The following CROCC2 variants were observed in gnomAD, a reference collection of about 807,000 sequenced individuals.
The protein encoded by CROCC2 is ciliary rootlet coiled-coil protein 2.
Under a neutral mutation model 177.6 loss-of-function variants are expected in CROCC2, and 163 were observed. That is an observed-to-expected ratio of 0.92 (90% CI 0.81 to 1.05). CROCC2 has a LOEUF of 1.05. Ranked by LOEUF, CROCC2 falls within the 50% of genes least tolerant of loss-of-function variation. The probability of loss-of-function intolerance (pLI) is 0.00; values close to 1 mark genes in which losing one functional copy is unlikely to be tolerated. For missense variants in CROCC2, 1,929 were observed against 1,797.8 expected (o/e 1.07, Z -1.32); for synonymous variants, 904 against 787.3 (o/e 1.15, Z -2.48).
At chr2:240,971,054 G>A (rs980193051) in intron 27 of CROCC2, among the ~76,000 whole-genome samples, 3 of 152,098 alleles carry the variant, frequency 2.0e-5, no homozygotes, top group African/African-American at 7.2e-5. Context: ...CTGTGCGGTC[G>A]GCCAAGGGCT....
At position 240,925,718 on chromosome 2, in the gene CROCC2, G is replaced by C; in HGVS notation, c.489-6G>C. ...CCCCACCATGCCCTGTGGGTTCTCT[G>C]TCCAGGAGCACCGGCCTCTGTCAGG... On this transcript the variant is annotated splice_region_variant and splice_polypyrimidine_tract_variant and intron_variant, in intron 4 of 31. Transcript: ENST00000690015. 1.4e-6 allele frequency: 1 copy of C among 714,092 alleles called. No homozygotes were observed. The allele number at this position is 714,092 out of a possible 1,614,324, so 44.2% of individuals were successfully genotyped here. A position where few individuals can be genotyped will look rare whatever the true frequency, so the allele number is the denominator to read the frequency against.
intron 27 of CROCC2, among the ~76,000 whole-genome samples, chr2:240,981,327 C>G (rs13414884): frequency 0.2 from 29,835 of 151,388 alleles, 3,355 homozygotes; most frequent in East Asian, 0.37. Flanking sequence ...CCTGAGCACT[C>G]AGCTCTGGGG....
intron 14 of CROCC2, 75 bp from the exon 15 acceptor site, chr2:240,945,985 C>A: frequency 8.6e-7 from 1 of 1,168,818 alleles, no homozygotes; most frequent in Non-Finnish European, 1.2e-6. Flanking sequence ...GTCCTTTCTT[C>A]CCCTCAAGAG....
In CROCC2 at chr2:240,949,526, C is replaced by A. The variant is rs1298838531; in HGVS notation, c.2483-7C>A. The A allele has an allele frequency of 3.8e-5, 59 of 1,549,902 alleles. No individual in the cohort carries two copies. Among genetic ancestry groups the A allele is most frequent in the Non-Finnish European group, 5.1e-5 (58 of 1,146,460 alleles). On this transcript the variant is annotated splice_polypyrimidine_tract_variant and splice_region_variant and intron_variant, in intron 16 of 31. Coordinates refer to ENST00000690015, the MANE Select transcript of CROCC2 (RefSeq NM_001351305.2). The surrounding 1 kb of genome is among the most constrained non-coding windows in gnomAD (Gnocchi z 4.5). ...GGCCCTGGTGCATCTCACCCATCAC[C>A]CCACAGTGGAAATGGAGCAGCTACA...
rs996326836 is a variant in CROCC2, at chr2:240,959,386, C to T, written c.3029C>T (p.Thr1010Met). Residue 1010 changes from threonine (T) to methionine (M), a missense_variant, in exon 20 of 32, where the codon ACG (threonine) becomes ATG (methionine). This residue lies in a region of CROCC2 where 1,397 missense variants were observed against 1,239.9 expected (regional missense o/e 1.13). Coordinates refer to ENST00000690015, the MANE Select transcript of CROCC2 (RefSeq NM_001351305.2). ...ATCACAGCCCATCAGAGGGAGACCA[C>T]GGCCCTACGCGAGAGCCTCCAGGAC... ...DAITAHQRETTALRESLQDLA... is the reference protein window; with the variant it reads ...DAITAHQRETMALRESLQDLA... 6.5e-6 allele frequency: 10 copies of T among 1,550,328 alleles called. No individual in the cohort carries two copies. The highest frequency in any genetic ancestry group is 2.4e-5 in the East Asian group (1 of 40,924).
intron 18 of CROCC2, among the ~76,000 whole-genome samples, chr2:240,952,342 C>T (rs2106471355): frequency 6.9e-6 from 1 of 145,236 alleles, no homozygotes; most frequent in Non-Finnish European, 1.5e-5. Context: ...AAATGACAAA[C>T]TGCAGGAGGA....
At chr2:240,939,074 A>G (rs554910797) in intron 14 of CROCC2, among the ~76,000 whole-genome samples, 26 of 152,236 alleles carry the variant, frequency 1.7e-4, no homozygotes, top group African/African-American at 5.8e-4. Flanking sequence ...CCATACTTCC[A>G]CCCAAGGCAA....
chr2:240,952,888 G>A lies in CROCC2; in HGVS notation c.2829+2378G>A, dbSNP rs1183572862. 2.6e-5 allele frequency among the ~76,000 whole-genome samples: 4 copies of A among 152,158 alleles called. No homozygotes were observed. The East Asian group carries it at 7.8e-4, about 30-fold the overall frequency. On this transcript the variant is annotated intron_variant, in intron 18 of 31. Coordinates refer to ENST00000690015, the MANE Select transcript of CROCC2 (RefSeq NM_001351305.2). ...TGAGAGCCAGGCAAAGGAGGAGAAA[G>A]GTAAGTTCAAAGCCCCTTGGGAGGT...
chr2:240,962,792 G>A (rs374469764), intron 20 of CROCC2, among the ~76,000 whole-genome samples: 5 of 152,294 alleles, frequency 3.3e-5, no homozygotes, highest in East Asian at 3.9e-4. Flanking sequence ...GAGACTGGGC[G>A]CCAGGGCCGA....
Position 240,965,801 on chromosome 2 carries a change from G to T in CROCC2, c.3769G>T (p.Ala1257Ser). Residue 1257 changes from alanine to serine, a missense_variant, in exon 24 of 32, where the codon GCT becomes TCT. Physicochemically the swap from Ala to Ser is moderately conservative, Grantham distance 99 (BLOSUM62 1). This residue lies in a region of CROCC2 where 144 missense variants were observed against 205.2 expected (regional missense o/e 0.70). Coordinates refer to ENST00000690015, the MANE Select transcript of CROCC2 (RefSeq NM_001351305.2). ...KLQEASGVADALQARLDQACH... is the reference protein window; with the variant it reads ...KLQEASGVADSLQARLDQACH... ...GCAGGAAGCCAGTGGTGTGGCTGAT[G>T]CTCTCCAGGCTCGCCTGGACCAGGC... is the stretch of plus-strand genomic sequence containing the variant. The T allele has an allele frequency of 6.8e-7, 1 of 1,472,574 alleles. No homozygotes were observed. Among genetic ancestry groups the T allele is most frequent in the Non-Finnish European group, 9.0e-7 (1 of 1,110,076 alleles). The allele number at this position is 1,472,574 out of a possible 1,614,324, so 91.2% of individuals were successfully genotyped here.
At position 240,965,645 on chromosome 2, in the gene CROCC2, T is replaced by C. The variant is rs1317039491; in HGVS notation, c.3613T>C (p.Leu1205=). 3 of 1,550,568 alleles carry C rather than the reference T, an allele frequency of 1.9e-6. No homozygotes were observed. The highest frequency in any genetic ancestry group is 2.4e-5 in the East Asian group (1 of 40,912). Residue 1205 remains leucine, a synonymous_variant, in exon 24 of 32, where the codon TTG becomes CTG. Coordinates refer to ENST00000690015, the MANE Select transcript of CROCC2 (RefSeq NM_001351305.2). ...AACATCCCTCCTACAGGTCCTGGGA[T>C]TGCAGAGGAAGTTGGCAGAGGTGGA... ...HEGARKEVLG[L]QRKLAEVEAA... is the part of the protein sequence containing the mutation.
intron 2 of CROCC2, among the ~76,000 whole-genome samples, chr2:240,919,288 G>A (rs1037398287): frequency 5.4e-4 from 82 of 152,256 alleles, no homozygotes; most frequent in African/African-American, 1.5e-3. Context: ...CAGGGCTGCC[G>A]CTGTGTGGCA....
At chr2:240,942,858 G>A (rs1361431443) in intron 14 of CROCC2, among the ~76,000 whole-genome samples, 1 of 151,882 alleles carries the variant, frequency 6.6e-6, no homozygotes, top group African/African-American at 2.4e-5. Context: ...TTTATTTATT[G>A]TCTTTTTTTT....
Position 240,958,456 on chromosome 2 carries a change from CCCTAGCAGA to C in CROCC2, c.2944-844_2944-836del. On this transcript the variant is annotated intron_variant, in intron 19 of 31. Transcript: ENST00000690015. The surrounding 1 kb of genome is among the most constrained non-coding windows in gnomAD (Gnocchi z 6.7). Reference sequence around the variant, plus strand: ...GGGGCACAGGCTGCAGGAACCCCCACCCTAGCAGAATCCAGGTGGACAGGAGGGGCTCCA... The same window carrying C: ...GGGGCACAGGCTGCAGGAACCCCCACATCCAGGTGGACAGGAGGGGCTCCA... The C allele has an allele frequency of 2.4e-6, 1 of 414,718 alleles. No individual in the cohort carries two copies. The highest frequency in any genetic ancestry group is 3.2e-6 in the Non-Finnish European group (1 of 308,088). 25.7% of individuals were successfully genotyped at this position (414,718 alleles called of 1,614,324 possible).
intron 27 of CROCC2, among the ~76,000 whole-genome samples, chr2:240,974,943 T>C (rs994056297): frequency 6.6e-6 from 1 of 152,216 alleles, no homozygotes; most frequent in African/African-American, 2.4e-5. Context: ...GTCATCTTCC[T>C]GGAGAGGCTG....
intron 5 of CROCC2, among the ~76,000 whole-genome samples, chr2:240,926,890 G>T (rs1326407439): frequency 6.6e-6 from 1 of 152,260 alleles, no homozygotes; most frequent in Non-Finnish European, 1.5e-5. Flanking sequence ...CGAGGCGTTT[G>T]AGGCAGATCT....
intron 1 of CROCC2, among the ~76,000 whole-genome samples, chr2:240,911,927 G>A (rs970455456): frequency 5.9e-5 from 9 of 152,178 alleles, no homozygotes; most frequent in African/African-American, 1.4e-4. Flanking sequence ...CCTGCCGGCC[G>A]CTGTGAAAAT....
At chr2:240,952,450 A>G (rs1319104670) in intron 18 of CROCC2, among the ~76,000 whole-genome samples, 1 of 152,208 alleles carries the variant, frequency 6.6e-6, no homozygotes, top group African/African-American at 2.4e-5. Flanking sequence ...AATTATCCCT[A>G]TATTACTGGT....
chr2:240,983,642 C>CCTCTCCCAGCCGCGCCCCT, intron 28 of CROCC2: 1 of 1,279,494 alleles, frequency 7.8e-7, no homozygotes, highest in Non-Finnish European at 1.0e-6. Flanking sequence ...CGCAGGGGCG[C>CCTCTCCCAGCCGCGCCCCT]GGCTGGGAGA....
Sources: gnomAD v4.1 joint callset for allele counts (sites outside exome capture counted in the v4.1 genomes callset) on GRCh38, gnomAD v4.1.1 for gene constraint, gnomAD v4.1.1 regional missense constraint, Gnocchi (gnomAD v3.1) non-coding constraint, MANE v1.5 for transcripts, NCBI Gene and HGNC (gene_info 2026-07-23, HGNC 2026-07-21) for gene names.